The following EPN1 variants were observed in gnomAD, a reference collection of about 807,000 sequenced individuals.
EPN1 encodes the protein epsin 1.
Under a neutral mutation model 56.9 loss-of-function variants are expected in EPN1, and 25 were observed. The observed-to-expected ratio is 0.44, with a 90% CI of 0.32 to 0.61. The LOEUF (loss-of-function observed/expected upper bound fraction) is 0.61. Ranked by LOEUF, EPN1 falls within the 20% of genes least tolerant of loss-of-function variation. The pLI, the probability that EPN1 is intolerant of heterozygous loss-of-function variation, is 0.05. For missense variants in EPN1, 785 were observed against 823.7 expected (o/e 0.95, Z 0.58); for synonymous variants, 411 against 361.8 (o/e 1.14, Z -1.54).
At position 55,698,896 on chromosome 19, in the gene EPN1, C is replaced by T. The variant is rs1987015177; in HGVS notation, c.*3540C>T. On this transcript the variant is annotated 3_prime_UTR_variant, in exon 11 of 11. Coordinates refer to ENST00000270460, the MANE Select transcript of EPN1 (RefSeq NM_001130072.2). The stretch of plus-strand genomic sequence containing the variant: ...GAGTAGCTGGGATTACAGGTGCCCA[C>T]CACCACGCCCAGCTAATTTTTTTTT... 1 of 152,124 alleles carries T rather than the reference C, an allele frequency of 6.6e-6. No individual in the cohort carries two copies. The highest frequency in any genetic ancestry group is 6.5e-5 in the Admixed American group (1 of 15,298). 9.4% of individuals were successfully genotyped at this position (152,124 alleles called of 1,614,324 possible). A position where few individuals can be genotyped will look rare whatever the true frequency, so the allele number is the denominator to read the frequency against.
chr19:55,708,528 GAC>G lies in EPN1; in HGVS notation c.*13176_*13177del, dbSNP rs1210157698. ...CTGGATGCTAGCAATACAATCTATA[GAC>G]ACATTCTAGCATCACTTCTGTGTCA... is the stretch of plus-strand genomic sequence containing the variant. On this transcript the variant is annotated 3_prime_UTR_variant, in exon 11 of 11. Transcript: ENST00000270460. 1 of 158,304 alleles carries G rather than the reference GAC, an allele frequency of 6.3e-6. No individual in the cohort carries two copies. Among genetic ancestry groups the G allele is most frequent in the African/African-American group, 2.4e-5 (1 of 41,696 alleles). 9.8% of individuals were successfully genotyped at this position (158,304 alleles called of 1,614,324 possible). A position where few individuals can be genotyped will look rare whatever the true frequency, so the allele number is the denominator to read the frequency against.
chr19:55,677,644 G>C (rs1474736155), intron 1 of EPN1: 6 of 1,551,706 alleles, frequency 3.9e-6, no homozygotes, highest in Non-Finnish European at 5.2e-6. Context: ...CAGTGGGGCT[G>C]TTAGGTTCCT....
rs1986386850 is a variant in EPN1, at chr19:55,689,393, C to G, written c.678+22C>G. 1 of 1,544,308 alleles carries G rather than the reference C, an allele frequency of 6.5e-7. No individual in the cohort carries two copies. The highest frequency in any genetic ancestry group is 1.4e-5 in the African/African-American group (1 of 73,046). ...TAAGGTCAGAGCAGCCTCCCTGTCC[C>G]TGCCCCTGCCAGGGGCTCCCCTCAG... On this transcript the variant is annotated intron_variant, in intron 5 of 10. Transcript: ENST00000270460. This position sits in a 1 kb window ranked among gnomAD's most constrained non-coding sequence, Gnocchi z 5.7.
In EPN1 at chr19:55,694,027, C is replaced by T. The variant is rs1986748815; in HGVS notation, c.1265-699C>T. On this transcript the variant is annotated intron_variant, in intron 9 of 10. Coordinates refer to ENST00000270460, the MANE Select transcript of EPN1 (RefSeq NM_001130072.2). This position sits in a 1 kb window ranked among gnomAD's most constrained non-coding sequence, Gnocchi z 4.2. ...GGTCGGGAGTTCAAGACCAGCCTGA[C>T]CACCATGGCCAAAACTCCGTCTCTA... 6.6e-6 allele frequency: 1 copy of T among 151,948 alleles called. No individual in the cohort carries two copies. Among genetic ancestry groups the T allele is most frequent in the Non-Finnish European group, 1.5e-5 (1 of 67,994 alleles). 9.4% of individuals were successfully genotyped at this position (151,948 alleles called of 1,614,324 possible). A position where few individuals can be genotyped will look rare whatever the true frequency, so the allele number is the denominator to read the frequency against.
Position 55,691,132 on chromosome 19 carries a change from C to A in EPN1, c.763-622C>A, listed in dbSNP as rs1485496342. Among the ~76,000 whole-genome samples, 1 of 152,198 alleles carries A rather than the reference C, an allele frequency of 6.6e-6. No homozygotes were observed. The highest frequency in any genetic ancestry group is 1.5e-5 in the Non-Finnish European group (1 of 68,040). ...CCCACTTCCAGAACACAGGACCATG[C>A]ATGCGTGTGCGTGCGGCATGGGAAG... On this transcript the variant is annotated intron_variant, in intron 6 of 10. Transcript: ENST00000270460. This position sits in a 1 kb window ranked among gnomAD's most constrained non-coding sequence, Gnocchi z 5.6.
rs1986387728 is a variant in EPN1 at position 55,689,403 on chromosome 19, C to T, written c.678+32C>T. Reference sequence around the variant, plus strand: ...GCAGCCTCCCTGTCCCTGCCCCTGCCAGGGGCTCCCCTCAGACCAGCCCCG... The same window carrying T: ...GCAGCCTCCCTGTCCCTGCCCCTGCTAGGGGCTCCCCTCAGACCAGCCCCG... On this transcript the variant is annotated intron_variant, in intron 5 of 10. Transcript: ENST00000270460. The surrounding 1 kb of genome is among the most constrained non-coding windows in gnomAD (Gnocchi z 5.7). 6.6e-7 allele frequency: 1 copy of T among 1,524,756 alleles called. No individual in the cohort carries two copies. The highest frequency in any genetic ancestry group is 8.9e-7 in the Non-Finnish European group (1 of 1,122,722). 94.5% of individuals were successfully genotyped at this position (1,524,756 alleles called of 1,614,324 possible).
At chr19:55,688,836 T>G in intron 3 of EPN1, 34 bp from the exon 4 acceptor site, 1 of 1,564,040 alleles carries the variant, frequency 6.4e-7, no homozygotes, top group Non-Finnish European at 8.7e-7. Context: ...CGTTCCCTGG[T>G]CTGGGTCTCA....
In EPN1 at chr19:55,705,593, G is replaced by C. The variant is rs1463536821; in HGVS notation, c.*10237G>C. 6.6e-6 allele frequency: 1 copy of C among 152,084 alleles called. No individual in the cohort carries two copies. The highest frequency in any genetic ancestry group is 2.4e-5 in the African/African-American group (1 of 41,360). The allele number at this position is 152,084 out of a possible 1,614,324, so 9.4% of individuals were successfully genotyped here. A position where few individuals can be genotyped will look rare whatever the true frequency, so the allele number is the denominator to read the frequency against. ...GAGCCCGGGAGGTGGAGGTTGCAGT[G>C]AGCCGAGATCGCACCATTGCACTCC... On this transcript the variant is annotated 3_prime_UTR_variant, in exon 11 of 11. Coordinates refer to ENST00000270460, the MANE Select transcript of EPN1 (RefSeq NM_001130072.2).
At chr19:55,681,031 G>T (rs565276517) in intron 2 of EPN1, among the ~76,000 whole-genome samples, 2 of 152,362 alleles carry the variant, frequency 1.3e-5, no homozygotes, top group Admixed American at 6.5e-5. Context: ...GCCTGCCGAG[G>T]CTCGTGGGGG....
rs1465489882 is a variant in EPN1 at position 55,678,801 on chromosome 19, C to T, written c.174C>T (p.Ser58=). 6.2e-7 allele frequency: 1 copy of T among 1,614,042 alleles called. No homozygotes were observed. Among genetic ancestry groups the T allele is most frequent in the African/African-American group, 1.3e-5 (1 of 74,922 alleles). The change falls in exon 2 of 11, where the codon AGC becomes AGT. Residue 58 remains serine, a synonymous_variant. Coordinates refer to ENST00000270460, the MANE Select transcript of EPN1 (RefSeq NM_001130072.2). ...TTGTCGCCTTCTCGGAGATCATGAG[C>T]ATGATCTGGAAGCGGCTCAATGACC... ...YNVVAFSEIM[S]MIWKRLNDHG... is the part of the protein sequence containing the mutation.
At chr19:55,692,167 G>A in intron 7 of EPN1, 110 bp downstream of exon 7, 1 of 1,077,438 alleles carries the variant, frequency 9.3e-7, no homozygotes, top group Non-Finnish European at 1.2e-6. Context: ...GGGCAGTGGT[G>A]GGGCGTCCTG....
intron 2 of EPN1, 48 bp from the exon 3 acceptor site, chr19:55,685,348 C>T (rs573902604): frequency 2.3e-5 from 37 of 1,581,684 alleles, no homozygotes; most frequent in Admixed American, 7.1e-5. Context: ...GTCTCTGGCC[C>T]GCCTTGTGCC....
At chr19:55,684,667 G>T (rs1398771921) in intron 2 of EPN1, among the ~76,000 whole-genome samples, 1 of 152,154 alleles carries the variant, frequency 6.6e-6, no homozygotes, top group African/African-American at 2.4e-5. Context: ...TTGCAGAGGT[G>T]ATAAACTACT....
chr19:55,695,013 C>A lies in EPN1; in HGVS notation c.1522+30C>A. 6.4e-7 allele frequency: 1 copy of A among 1,561,084 alleles called. No homozygotes were observed. Among genetic ancestry groups the A allele is most frequent in the Non-Finnish European group, 8.7e-7 (1 of 1,154,026 alleles). On this transcript the variant is annotated intron_variant, in intron 10 of 10. Coordinates refer to ENST00000270460, the MANE Select transcript of EPN1 (RefSeq NM_001130072.2). The surrounding 1 kb of genome is among the most constrained non-coding windows in gnomAD (Gnocchi z 4.4). ...GTGTGGGCCCATCACCTGCTCAAGT[C>A]CTTCCTGTGGGTTCCACCAGAGGAG...
rs1259711858 is a variant in EPN1, at chr19:55,697,697, C to T, written c.*2341C>T. 1 of 152,100 alleles carries T rather than the reference C, an allele frequency of 6.6e-6. No individual in the cohort carries two copies. Among genetic ancestry groups the T allele is most frequent in the East Asian group, 1.9e-4 (1 of 5,196 alleles). 9.4% of individuals were successfully genotyped at this position (152,100 alleles called of 1,614,324 possible). Reference sequence around the variant, plus strand: ...CAGATCTCGTGTCTCCTACTTTATTCCTCTTTCTAGAATATTCCAGCCACC... The same window carrying T: ...CAGATCTCGTGTCTCCTACTTTATTTCTCTTTCTAGAATATTCCAGCCACC... On this transcript the variant is annotated 3_prime_UTR_variant, in exon 11 of 11. Transcript: ENST00000270460.
rs1037683724 is a variant in EPN1 at position 55,695,286 on chromosome 19, G to A, written c.1661G>A (p.Gly554Glu). ...CCCACGTACATCTCTCCCCTTGGCG[G>A]GGGCCCTGGCCTGCCCCCCATGATG... ...APPTYISPLG[G>E]GPGLPPMMPP... The change falls in exon 11 of 11, where the codon GGG becomes GAG. Residue 554 changes from glycine (G) to glutamate (E), a missense_variant. Physicochemically the swap from Gly to Glu is moderately conservative, Grantham distance 98. Transcript: ENST00000270460. This position sits in a 1 kb window ranked among gnomAD's most constrained non-coding sequence, Gnocchi z 4.4. 2 of 1,589,144 alleles carry A rather than the reference G, an allele frequency of 1.3e-6. No homozygotes were observed. The highest frequency in any genetic ancestry group is 1.3e-5 in the African/African-American group (1 of 74,120).
At chr19:55,685,231 A>G (rs992797157) in intron 2 of EPN1, among the ~76,000 whole-genome samples, 165 bp from the exon 3 acceptor site, 1 of 152,210 alleles carries the variant, frequency 6.6e-6, no homozygotes, top group Admixed American at 6.5e-5. Flanking sequence ...ATTCCTTTGC[A>G]TGGCCGTGTC....
chr19:55,686,019 G>T (rs1986147346), intron 3 of EPN1, among the ~76,000 whole-genome samples: 1 of 152,218 alleles, frequency 6.6e-6, no homozygotes, highest in Admixed American at 6.5e-5. Context: ...CTGAGATGAG[G>T]GGAACATCGG....
intron 1 of EPN1, chr19:55,676,628 T>G (rs1230733918): frequency 6.5e-6 from 1 of 153,260 alleles, no homozygotes; most frequent in Non-Finnish European, 1.5e-5. Flanking sequence ...AGGTAGGAAT[T>G]CTTTCATTTC....
Sources: allele counts gnomAD v4.1 joint callset (sites outside exome capture counted in the v4.1 genomes callset), GRCh38; gene constraint gnomAD v4.1.1; non-coding constraint Gnocchi (gnomAD v3.1); transcripts MANE v1.5; gene names NCBI Gene and HGNC (gene_info 2026-07-23, HGNC 2026-07-21).